Variants in SPATA17 observed in about 807,000 individuals in gnomAD.
SPATA17 encodes spermatogenesis-associated protein 17.
A neutral mutation model predicts 62.2 loss-of-function variants in SPATA17; 53 were observed. The ratio of observed to expected loss-of-function variants is 0.85; its 90% CI spans 0.68 to 1.07. The LOEUF (loss-of-function observed/expected upper bound fraction) is 1.07, where lower values mean the gene tolerates loss of function less well. Among genes scored for constraint, SPATA17 ranks in the 50% least tolerant of loss-of-function variants. SPATA17 has a pLI of 0.00. For synonymous variants in SPATA17, 146 were observed against 146.8 expected (o/e 0.99, Z 0.04); for missense variants, 466 against 425.5 (o/e 1.10, Z -0.84).
intron 3 of SPATA17, among the ~76,000 whole-genome samples, chr1:217,652,691 A>C (rs1670349741): frequency 1.3e-5 from 2 of 152,242 alleles, no homozygotes; most frequent in South Asian, 4.1e-4. Flanking sequence ...ACTAATAGTT[A>C]CAGAATATAT....
chr1:217,638,198 GT>G (rs145087050), intron 1 of SPATA17, among the ~76,000 whole-genome samples: 2,670 of 151,992 alleles, frequency 0.018, 39 homozygotes, highest in Non-Finnish European at 0.028. Flanking sequence ...TATACATTAA[GT>G]ATATAAACTG....
At position 217,851,953 on chromosome 1, in the gene SPATA17, T is replaced by C. The variant is rs549514970; in HGVS notation, c.1006-10821T>C. ...GACTGTTTCAGGAGTATTTGCCTTT[T>C]CAGGAGGTAATTAGAAAATGAACAA... On this transcript the variant is annotated intron_variant, in intron 9 of 10. Transcript: ENST00000366933. 4.6e-5 allele frequency among the ~76,000 whole-genome samples: 7 copies of C among 152,258 alleles called. No homozygotes were observed. In the South Asian group the frequency reaches 6.2e-4, roughly 14 times the overall value.
chr1:217,791,252 C>T (rs1379485137), intron 8 of SPATA17, among the ~76,000 whole-genome samples: 2 of 152,154 alleles, frequency 1.3e-5, no homozygotes, highest in Non-Finnish European at 2.9e-5. Flanking sequence ...CTCTAGGGCA[C>T]AGTTAAGCAT....
At chr1:217,658,614 A>C (rs935843613) in intron 3 of SPATA17, among the ~76,000 whole-genome samples, 7 of 152,030 alleles carry the variant, frequency 4.6e-5, no homozygotes, top group Middle Eastern at 3.4e-3. Flanking sequence ...AAAAATTAGC[A>C]GGGCGTGGTG....
chr1:217,696,974 A>G (rs1671474095), intron 5 of SPATA17, among the ~76,000 whole-genome samples: 2 of 152,144 alleles, frequency 1.3e-5, no homozygotes, highest in African/African-American at 4.8e-5. Flanking sequence ...TTTGAAATTT[A>G]CTTGCAGGTG....
At chr1:217,764,733 G>C (rs1673255727) in intron 6 of SPATA17, among the ~76,000 whole-genome samples, 1 of 152,104 alleles carries the variant, frequency 6.6e-6, no homozygotes, top group Non-Finnish European at 1.5e-5. Flanking sequence ...GCTGGCATTT[G>C]GTGGTATCCA....
intron 9 of SPATA17, among the ~76,000 whole-genome samples, chr1:217,827,414 T>C (rs1211693726): frequency 6.6e-6 from 1 of 152,110 alleles, no homozygotes; most frequent in East Asian, 1.9e-4. Context: ...AGGAATGCTT[T>C]TACACTGTTG....
chr1:217,864,036 C>T (rs1180670833), intron 10 of SPATA17, among the ~76,000 whole-genome samples: 5 of 152,136 alleles, frequency 3.3e-5, no homozygotes, highest in Non-Finnish European at 7.3e-5. Flanking sequence ...AATGCAGATA[C>T]CAATGTCTAT....
At chr1:217,819,494 A>C (rs1309546692) in intron 9 of SPATA17, among the ~76,000 whole-genome samples, 3 of 151,912 alleles carry the variant, frequency 2.0e-5, no homozygotes, top group Non-Finnish European at 4.4e-5. Context: ...GATGCCATGA[A>C]CTATCAAGTC....
rs1571812057 is a variant in SPATA17, at chr1:217,797,563, T to G, written c.873-4155T>G. ...CAGCACCCGGCCTAAATTTACTGCT[T>G]TCTATATTATAATAATGGTTAAAAT... is the stretch of plus-strand genomic sequence containing the variant. On this transcript the variant is annotated intron_variant, in intron 8 of 10. Coordinates refer to ENST00000366933, the MANE Select transcript of SPATA17 (RefSeq NM_138796.4). 2.0e-5 allele frequency among the ~76,000 whole-genome samples: 3 copies of G among 152,170 alleles called. No homozygotes were observed. The East Asian group carries it at 5.8e-4, about 29-fold the overall frequency.
intron 5 of SPATA17, among the ~76,000 whole-genome samples, chr1:217,734,150 T>C (rs1486134942): frequency 6.6e-6 from 1 of 152,238 alleles, no homozygotes; most frequent in Non-Finnish European, 1.5e-5. Context: ...CCCAGAATCC[T>C]AGCATTTAAA....
At chr1:217,665,805 A>G (rs866048294) in intron 3 of SPATA17, among the ~76,000 whole-genome samples, 3 of 152,222 alleles carry the variant, frequency 2.0e-5, no homozygotes, top group Admixed American at 1.3e-4. Context: ...CAGTCAGAAA[A>G]TTAATTATGT....
intron 5 of SPATA17, among the ~76,000 whole-genome samples, chr1:217,690,300 C>T (rs1671319192): frequency 6.6e-6 from 1 of 152,012 alleles, no homozygotes; most frequent in African/African-American, 2.4e-5. Context: ...ATATTTTCCA[C>T]CAGCTTATAT....
chr1:217,865,600 C>CAG (rs573192934), intron 10 of SPATA17, among the ~76,000 whole-genome samples: 148 of 152,292 alleles, frequency 9.7e-4, no homozygotes, highest in African/African-American at 3.2e-3. Flanking sequence ...TGGTCTAAAT[C>CAG]AGTGTGTTGT....
At chr1:217,810,270 A>G (rs1674554478) in intron 9 of SPATA17, among the ~76,000 whole-genome samples, 1 of 152,216 alleles carries the variant, frequency 6.6e-6, no homozygotes, top group South Asian at 2.1e-4. Context: ...AGGAATAATT[A>G]TATGCCTCCA....
chr1:217,839,214 A>C (rs1249593660), intron 9 of SPATA17, among the ~76,000 whole-genome samples: 1 of 152,038 alleles, frequency 6.6e-6, no homozygotes, highest in African/African-American at 2.4e-5. Context: ...ATCAGCAATA[A>C]TTAATCTTTT....
intron 9 of SPATA17, among the ~76,000 whole-genome samples, chr1:217,840,189 A>G (rs189975747): frequency 2.6e-5 from 4 of 152,272 alleles, no homozygotes. Flanking sequence ...CGTACAGATA[A>G]TGTCCTTGAA....
intron 5 of SPATA17, among the ~76,000 whole-genome samples, chr1:217,722,434 A>C (rs1443088301): frequency 1.3e-5 from 2 of 152,176 alleles, no homozygotes; most frequent in African/African-American, 4.8e-5. Flanking sequence ...AAAATAATAC[A>C]ATATTATAAA....
chr1:217,802,995 C>T (rs542978761), intron 9 of SPATA17, among the ~76,000 whole-genome samples: 1 of 152,256 alleles, frequency 6.6e-6, no homozygotes, highest in African/African-American at 2.4e-5. Flanking sequence ...TCACTGCAAC[C>T]TCCGCCCCTC....
Sources: gnomAD v4.1 joint callset for allele counts (sites outside exome capture counted in the v4.1 genomes callset) on GRCh38, gnomAD v4.1.1 for gene constraint, MANE v1.5 for transcripts, NCBI Gene and HGNC (gene_info 2026-07-23, HGNC 2026-07-21) for gene names.